Variants in NR6A1 observed in about 807,000 individuals in gnomAD.
NR6A1 encodes the protein retinoic acid receptor-related testis-associated receptor.
NR6A1 carries 7 observed loss-of-function variants against 59.1 expected under a neutral mutation model. That is an observed-to-expected ratio of 0.12 (90% CI 0.07 to 0.22). NR6A1 has a LOEUF of 0.22. NR6A1 is among the 10% of genes least tolerant of loss of function. The probability of loss-of-function intolerance (pLI) is 1.00; values close to 1 mark genes in which losing one functional copy is unlikely to be tolerated. For synonymous variants in NR6A1, 243 were observed against 236.1 expected (o/e 1.03, Z -0.27); for missense variants, 468 against 611.6 (o/e 0.77, Z 2.48).
intron 2 of NR6A1, among the ~76,000 whole-genome samples, chr9:124,570,693 T>C (rs960581931): frequency 2.8e-5 from 4 of 144,366 alleles, no homozygotes; most frequent in Non-Finnish European, 5.9e-5. Context: ...ATTTGTCTTA[T>C]GTCACTGGAA....
At chr9:124,550,375 ATTTTTTTTTT>A (rs58594452) in intron 3 of NR6A1, among the ~76,000 whole-genome samples, 3 of 117,600 alleles carry the variant, frequency 2.6e-5, no homozygotes, top group African/African-American at 6.6e-5. Context: ...CTAATGGTGA[ATTTTTTTTTT>A]TTTTTTTTTT....
intron 2 of NR6A1, among the ~76,000 whole-genome samples, chr9:124,691,150 T>C (rs1282806119): frequency 1.3e-5 from 2 of 152,230 alleles, no homozygotes; most frequent in Non-Finnish European, 2.9e-5. Flanking sequence ...TTTAAACATA[T>C]TACACAGTTA....
chr9:124,714,549 C>T (rs1366315004), intron 2 of NR6A1, among the ~76,000 whole-genome samples: 1 of 152,080 alleles, frequency 6.6e-6, no homozygotes, highest in Non-Finnish European at 1.5e-5. Flanking sequence ...GAAATCTTAG[C>T]CAGTGCAATA....
intron 2 of NR6A1, among the ~76,000 whole-genome samples, chr9:124,702,260 G>A (rs1838983262): frequency 6.6e-6 from 1 of 152,110 alleles, no homozygotes; most frequent in Admixed American, 6.5e-5. Context: ...GGTGTATGGT[G>A]CACTCTGAGT....
At chr9:124,582,335 T>C (rs1053492385) in intron 2 of NR6A1, among the ~76,000 whole-genome samples, 1 of 152,206 alleles carries the variant, frequency 6.6e-6, no homozygotes, top group Non-Finnish European at 1.5e-5. Context: ...AAATACCGCA[T>C]GTTCCCACTT....
At chr9:124,598,664 A>AAAC in intron 2 of NR6A1, 2 of 400,728 alleles carry the variant, frequency 5.0e-6, no homozygotes, top group African/African-American at 4.3e-5. Flanking sequence ...AAAAAAAAAA[A>AAAC]AAAAACAAGG....
intron 2 of NR6A1, among the ~76,000 whole-genome samples, chr9:124,580,978 A>G (rs1213845373): frequency 6.6e-6 from 1 of 152,186 alleles, no homozygotes; most frequent in East Asian, 1.9e-4. Context: ...CCCAGAAATA[A>G]GACTGCATGC....
At chr9:124,579,880 C>T (rs1189799035) in intron 2 of NR6A1, among the ~76,000 whole-genome samples, 3 of 151,956 alleles carry the variant, frequency 2.0e-5, no homozygotes, top group Admixed American at 6.6e-5. Context: ...CATGGTGGCG[C>T]GTGCCTGTAA....
At chr9:124,756,121 C>A (rs1213718161) in intron 1 of NR6A1, among the ~76,000 whole-genome samples, 1 of 152,144 alleles carries the variant, frequency 6.6e-6, no homozygotes, top group African/African-American at 2.4e-5. Flanking sequence ...AATGTACACC[C>A]AAGGCTACGC....
intron 2 of NR6A1, among the ~76,000 whole-genome samples, chr9:124,576,917 G>A (rs939121902): frequency 2.6e-5 from 4 of 152,118 alleles, no homozygotes; most frequent in South Asian, 4.1e-4. Flanking sequence ...TTAGCTAGCC[G>A]TGGTGGTGTA....
intron 2 of NR6A1, among the ~76,000 whole-genome samples, chr9:124,637,707 A>G (rs935975370): frequency 1.3e-5 from 2 of 152,020 alleles, no homozygotes; most frequent in East Asian, 1.9e-4. Flanking sequence ...CCTAGCCAAC[A>G]TGGTGAAACC....
intron 2 of NR6A1, among the ~76,000 whole-genome samples, chr9:124,703,634 T>G (rs1008843055): frequency 1.3e-5 from 2 of 152,190 alleles, no homozygotes; most frequent in Non-Finnish European, 2.9e-5. Flanking sequence ...TCTATATTGT[T>G]GAATTTGGTT....
At chr9:124,766,809 A>G (rs1840947706) in intron 1 of NR6A1, among the ~76,000 whole-genome samples, 1 of 152,246 alleles carries the variant, frequency 6.6e-6, no homozygotes, top group Admixed American at 6.5e-5. Flanking sequence ...GGCTTTATGC[A>G]ATTCTTAAGC....
chr9:124,703,955 C>T (rs1839043656), intron 2 of NR6A1, among the ~76,000 whole-genome samples: 1 of 152,150 alleles, frequency 6.6e-6, no homozygotes, highest in African/African-American at 2.4e-5. Context: ...TAAGCCACTG[C>T]ACCCAGCATG....
intron 2 of NR6A1, among the ~76,000 whole-genome samples, chr9:124,630,741 C>A (rs1045795572): frequency 7.6e-6 from 1 of 132,066 alleles, no homozygotes; most frequent in Non-Finnish European, 1.5e-5. Flanking sequence ...TGCAATGGCA[C>A]GATCTCAGCT....
At chr9:124,645,581 T>C (rs1836907660) in intron 2 of NR6A1, among the ~76,000 whole-genome samples, 1 of 152,116 alleles carries the variant, frequency 6.6e-6, no homozygotes, top group Admixed American at 6.6e-5. Flanking sequence ...GAGTCAATAC[T>C]CTAAGAAGAC....
chr9:124,746,843 T>C (rs552013399), intron 1 of NR6A1, among the ~76,000 whole-genome samples: 52 of 152,284 alleles, frequency 3.4e-4, no homozygotes, highest in Admixed American at 5.9e-4. Flanking sequence ...CCAGACTGCA[T>C]TGGAAAAATA....
intron 2 of NR6A1, among the ~76,000 whole-genome samples, chr9:124,598,529 A>G (rs1835344501): frequency 6.6e-6 from 1 of 151,998 alleles, no homozygotes; most frequent in Non-Finnish European, 1.5e-5. Flanking sequence ...TAGCATTTGC[A>G]TACTGCAAAT....
intron 2 of NR6A1, among the ~76,000 whole-genome samples, chr9:124,725,474 C>T (rs1409379970): frequency 6.6e-6 from 1 of 152,188 alleles, no homozygotes; most frequent in Non-Finnish European, 1.5e-5. Context: ...ATGACACCTG[C>T]TGTCCCAAAC....
Sources: allele counts gnomAD v4.1 joint callset (sites outside exome capture counted in the v4.1 genomes callset), GRCh38; gene constraint gnomAD v4.1.1; transcripts MANE v1.5; gene names NCBI Gene and HGNC (gene_info 2026-07-23, HGNC 2026-07-21).